The following ADCY9 variants were observed in gnomAD, a reference collection of about 807,000 sequenced individuals.
ADCY9 encodes the protein adenylate cyclase type 9.
ADCY9 carries 50 observed loss-of-function variants against 101.5 expected under a neutral mutation model. The observed-to-expected ratio is 0.49, with a 90% CI of 0.39 to 0.62. The LOEUF is 0.62. Ranked by LOEUF, ADCY9 falls within the 20% of genes least tolerant of loss-of-function variation. The pLI is 0.00. For missense variants in ADCY9, 1,662 were observed against 1,800.4 expected, an observed-to-expected ratio of 0.92 and a Z score of 1.39; for synonymous variants, 905 against 769.3, an observed-to-expected ratio of 1.18 and a Z score of -2.92.
intron 2 of ADCY9, among the ~76,000 whole-genome samples, chr16:4,045,761 C>G (rs113113715): frequency 6.6e-6 from 1 of 151,552 alleles, no homozygotes; most frequent in Non-Finnish European, 1.5e-5. Context: ...TACAGTGGCG[C>G]GATCTTGGCT....
chr16:4,031,585 A>G (rs2056555428), intron 2 of ADCY9, among the ~76,000 whole-genome samples: 1 of 152,186 alleles, frequency 6.6e-6, no homozygotes, highest in South Asian at 2.1e-4. Flanking sequence ...AAATTTATCA[A>G]AATGAAAAGT....
At chr16:4,094,103 C>T (rs559199755) in intron 2 of ADCY9, among the ~76,000 whole-genome samples, 2 of 152,216 alleles carry the variant, frequency 1.3e-5, no homozygotes, top group African/African-American at 2.4e-5. Flanking sequence ...AAGAACACAG[C>T]GTTAATTATG....
intron 2 of ADCY9, among the ~76,000 whole-genome samples, chr16:4,104,225 A>G (rs1204422651): frequency 6.6e-6 from 1 of 152,202 alleles, no homozygotes; most frequent in Non-Finnish European, 1.5e-5. Context: ...AACTTACATC[A>G]GCCACTGTGA....
chr16:4,026,844 G>C (rs2056519084), intron 2 of ADCY9, among the ~76,000 whole-genome samples: 1 of 152,182 alleles, frequency 6.6e-6, no homozygotes, highest in African/African-American at 2.4e-5. Flanking sequence ...CTGGAGGCAG[G>C]GAACTTAAGG....
rs1490672810 is a variant in ADCY9, at chr16:4,115,835, T to A, written c.-189A>T. 2.5e-6 allele frequency: 1 copy of A among 401,972 alleles called. No homozygotes were observed. The highest frequency in any genetic ancestry group is 4.4e-6 in the Non-Finnish European group (1 of 228,696). 24.9% of individuals were successfully genotyped at this position (401,972 alleles called of 1,614,324 possible). On this transcript the variant is annotated 5_prime_UTR_variant, in exon 1 of 11. Coordinates refer to ENST00000294016, the MANE Select transcript of ADCY9 (RefSeq NM_001116.4). The surrounding 1 kb of genome is among the most constrained non-coding windows in gnomAD (Gnocchi z 6.2). ...CGCGCTCGCCTCCTCCAGCTGCGGC[T>A]CCGGAGGGAAGTTCAGACCTTGAGC...
rs1311611837 is a variant in ADCY9 at position 3,964,038 on chromosome 16, C to T, written c.*1737G>A. 6.6e-6 allele frequency: 1 copy of T among 152,446 alleles called. No individual in the cohort carries two copies. The highest frequency in any genetic ancestry group is 1.5e-5 in the Non-Finnish European group (1 of 68,054). The allele number at this position is 152,446 out of a possible 1,614,324, so 9.4% of individuals were successfully genotyped here. On this transcript the variant is annotated 3_prime_UTR_variant, in exon 11 of 11. Coordinates refer to ENST00000294016, the MANE Select transcript of ADCY9 (RefSeq NM_001116.4). ...GGCTCTGGCTGTCCTGATGGGTGGC[C>T]ATCCCAGGCACCGCCCCTGGAGAGG... is the stretch of plus-strand genomic sequence containing the variant.
At chr16:4,056,891 C>T (rs1170133110) in intron 2 of ADCY9, among the ~76,000 whole-genome samples, 1 of 152,134 alleles carries the variant, frequency 6.6e-6, no homozygotes, top group African/African-American at 2.4e-5. Flanking sequence ...AGACAGTGAC[C>T]ATCACCCAGG....
At chr16:4,106,188 G>C (rs1009274956) in intron 2 of ADCY9, among the ~76,000 whole-genome samples, 1 of 152,222 alleles carries the variant, frequency 6.6e-6, no homozygotes, top group Non-Finnish European at 1.5e-5. Flanking sequence ...GAGCAGACAA[G>C]TTTTACAAGG....
chr16:3,995,160 T>C (rs2056276990), intron 3 of ADCY9, among the ~76,000 whole-genome samples: 1 of 152,116 alleles, frequency 6.6e-6, no homozygotes, highest in East Asian at 1.9e-4. Flanking sequence ...ATTGGCTGGG[T>C]GTGGCGGCTG....
chr16:4,019,158 T>A (rs2141735813), intron 2 of ADCY9, among the ~76,000 whole-genome samples: 1 of 152,216 alleles, frequency 6.6e-6, no homozygotes, highest in Middle Eastern at 3.4e-3. Context: ...AAAAAAAATT[T>A]TTTTTTAAAG....
Position 4,100,475 on chromosome 16 carries a change from G to A in ADCY9, c.1693+13275C>T, listed in dbSNP as rs950155207. On this transcript the variant is annotated intron_variant, in intron 2 of 10. Coordinates refer to ENST00000294016, the MANE Select transcript of ADCY9 (RefSeq NM_001116.4). ...CTCCCAAGTAGCTGAAATTAGAGGC[G>A]TATGCCACCACGCCTGGCTAATTTT... Among the ~76,000 whole-genome samples, 6 of 152,004 alleles carry A rather than the reference G, an allele frequency of 3.9e-5. No individual in the cohort carries two copies. The South Asian group carries it at 6.2e-4, about 16-fold the overall frequency.
At chr16:4,002,108 C>A (rs2056335139) in intron 3 of ADCY9, among the ~76,000 whole-genome samples, 2 of 152,164 alleles carry the variant, frequency 1.3e-5, no homozygotes, top group South Asian at 2.1e-4. Context: ...GCATATAATG[C>A]ACCCATTTAA....
In ADCY9 at chr16:3,994,011, C is replaced by T. The variant is rs113442186; in HGVS notation, c.1885-501G>A. On this transcript the variant is annotated intron_variant, in intron 3 of 10. Coordinates refer to ENST00000294016, the MANE Select transcript of ADCY9 (RefSeq NM_001116.4). Reference sequence around the variant, plus strand: ...GGAAGGGGGAGTGGCTGCTAAGGGGCGTGGGGTTTGCTACGATTCGAATGT... The same window carrying T: ...GGAAGGGGGAGTGGCTGCTAAGGGGTGTGGGGTTTGCTACGATTCGAATGT... 4.0e-3 allele frequency among the ~76,000 whole-genome samples: 609 copies of T among 152,108 alleles called. 4 individuals carry two copies. Among genetic ancestry groups the T allele is most frequent in the African/African-American group, 0.014 (572 of 41,506 alleles).
chr16:4,041,086 G>A (rs1567449775), intron 2 of ADCY9, among the ~76,000 whole-genome samples: 2 of 152,126 alleles, frequency 1.3e-5, no homozygotes. Context: ...ATCATATAGG[G>A]GACATTAAAG....
At chr16:4,038,967 G>A (rs1366483191) in intron 2 of ADCY9, among the ~76,000 whole-genome samples, 2 of 152,012 alleles carry the variant, frequency 1.3e-5, no homozygotes, top group Non-Finnish European at 2.9e-5. Context: ...TCTGAAACTC[G>A]TAATGCTTGC....
chr16:4,047,080 T>C (rs1220144402), intron 2 of ADCY9, among the ~76,000 whole-genome samples: 1 of 152,144 alleles, frequency 6.6e-6, no homozygotes, highest in African/African-American at 2.4e-5. Flanking sequence ...GTATATAAGA[T>C]TGTTTCTAGG....
intron 2 of ADCY9, among the ~76,000 whole-genome samples, chr16:4,096,917 T>A: frequency 6.6e-6 from 1 of 152,208 alleles, no homozygotes; most frequent in East Asian, 1.9e-4. Context: ...CAGATTTTAA[T>A]AGCATTACAT....
At chr16:3,955,263 G>A (rs904756414) in intron 5 of ADCY9, among the ~76,000 whole-genome samples, 3 of 151,178 alleles carry the variant, frequency 2.0e-5, no homozygotes, top group South Asian at 2.1e-4. Flanking sequence ...GGTGGCTCAC[G>A]CCTGTCATCC....
intron 2 of ADCY9, among the ~76,000 whole-genome samples, chr16:4,050,713 C>CA (rs5815192): frequency 0.56 from 38,968 of 69,988 alleles, 11,280 homozygotes; most frequent in East Asian, 0.79. Context: ...AACTCCGTCT[C>CA]AAAAAAAAAA....
Sources: allele counts gnomAD v4.1 joint callset (sites outside exome capture counted in the v4.1 genomes callset), GRCh38; gene constraint gnomAD v4.1.1; non-coding constraint Gnocchi (gnomAD v3.1); transcripts MANE v1.5; gene names NCBI Gene and HGNC (gene_info 2026-07-23, HGNC 2026-07-21).